PACRG: variants seen among roughly 807,000 people sequenced by gnomAD.
The protein encoded by PACRG is parkin coregulated gene protein.
A neutral mutation model predicts 29.7 loss-of-function variants in PACRG; 29 were observed. The ratio of observed to expected loss-of-function variants is 0.98; its 90% CI spans 0.73 to 1.33. The LOEUF is 1.33. PACRG is among the 40% of genes most tolerant of loss of function. The pLI, the probability that PACRG is intolerant of heterozygous loss-of-function variation, is 0.00. For synonymous variants in PACRG, 116 were observed against 118.7 expected (o/e 0.98, Z 0.15); for missense variants, 279 against 316.2 (o/e 0.88, Z 0.89).
At chr6:163,269,967 G>GAAAACAAAGAA (rs371798487) in intron 4 of PACRG, among the ~76,000 whole-genome samples, 1 of 56,118 alleles carries the variant, frequency 1.8e-5, no homozygotes, top group South Asian at 7.6e-4. Context: ...AAGAAAGAAA[G>GAAAACAAAGAA]AAAGAAAGAA....
chr6:162,902,888 G>A lies in PACRG; in HGVS notation c.291+88607G>A, dbSNP rs147563309. Among the ~76,000 whole-genome samples, 368 of 152,098 alleles carry A rather than the reference G, an allele frequency of 2.4e-3. 8 individuals are homozygous for A. Among genetic ancestry groups the A allele is most frequent in the East Asian group, 0.023 (117 of 5,182 alleles). ...GGGCTTTTTTTCTTCAATTCCAAAA[G>A]CATTTTAACAACCATAATCCAAGAC... On this transcript the variant is annotated intron_variant, in intron 2 of 4. Transcript: ENST00000366888.
intron 2 of PACRG, among the ~76,000 whole-genome samples, chr6:163,015,933 A>T (rs983916644): frequency 6.6e-6 from 1 of 152,234 alleles, no homozygotes. Flanking sequence ...ATAAGTTTTT[A>T]TGAACATTTA....
chr6:163,062,451 T>C, intron 3 of PACRG, 130 bp downstream of exon 3: 4 of 1,098,626 alleles, frequency 3.6e-6, no homozygotes, highest in Non-Finnish European at 5.0e-6. Flanking sequence ...TAAATTGACT[T>C]AGGAGGCCAG....
At chr6:163,239,703 TAC>T (rs1172530268) in intron 4 of PACRG, among the ~76,000 whole-genome samples, 2 of 100,130 alleles carry the variant, frequency 2.0e-5, no homozygotes, top group East Asian at 3.3e-4. Context: ...CACTCCCACA[TAC>T]ACACACACGC....
intron 4 of PACRG, among the ~76,000 whole-genome samples, chr6:163,163,523 C>T (rs894481291): frequency 3.9e-5 from 6 of 152,180 alleles, no homozygotes; most frequent in Non-Finnish European, 7.3e-5. Context: ...GCGCCTGCCT[C>T]GGCCTCACAA....
chr6:162,809,160 G>A (rs1179075600), intron 1 of PACRG, among the ~76,000 whole-genome samples: 1 of 152,066 alleles, frequency 6.6e-6, no homozygotes, highest in Non-Finnish European at 1.5e-5. Flanking sequence ...TTCAGCAGTA[G>A]TGACAAAGCA....
chr6:162,943,553 C>A (rs772692343), intron 2 of PACRG, among the ~76,000 whole-genome samples: 2 of 152,160 alleles, frequency 1.3e-5, no homozygotes, highest in Non-Finnish European at 2.9e-5. Flanking sequence ...GTTCCCCAAC[C>A]CAGGCATTTC....
intron 4 of PACRG, among the ~76,000 whole-genome samples, chr6:163,101,721 G>A (rs1179366018): frequency 6.6e-6 from 1 of 152,142 alleles, no homozygotes; most frequent in Non-Finnish European, 1.5e-5. Flanking sequence ...TCGTGTACCT[G>A]CTGAGCTAGC....
At chr6:162,727,590 G>C, upstream of PACRG, 1 of 1,494,202 alleles carries the variant, frequency 6.7e-7, no homozygotes, top group Non-Finnish European at 9.1e-7. Context: ...CTGGTCGGCC[G>C]AGGCGGGGCG....
intron 4 of PACRG, among the ~76,000 whole-genome samples, chr6:163,122,548 C>G (rs762089067): frequency 6.6e-6 from 1 of 152,132 alleles, no homozygotes; most frequent in Non-Finnish European, 1.5e-5. Context: ...GCACCTCCCC[C>G]TCGCTCTCTC....
chr6:162,767,060 T>A (rs560865523), intron 1 of PACRG, among the ~76,000 whole-genome samples: 1 of 152,088 alleles, frequency 6.6e-6, no homozygotes, highest in Admixed American at 6.5e-5. Context: ...ACACACGGAG[T>A]CTATGATATT....
intron 3 of PACRG, among the ~76,000 whole-genome samples, chr6:163,080,224 A>G (rs1238476532): frequency 2.6e-5 from 4 of 152,048 alleles, no homozygotes; most frequent in East Asian, 1.9e-4. Context: ...GTAGTGGTGC[A>G]TGATGCAGCA....
chr6:163,010,767 G>A (rs1251957369), intron 2 of PACRG, among the ~76,000 whole-genome samples: 1 of 152,222 alleles, frequency 6.6e-6, no homozygotes, highest in African/African-American at 2.4e-5. Flanking sequence ...TGGGCAGAAG[G>A]AGACCCCAGG....
At chr6:162,838,402 C>T (rs1263532791) in intron 2 of PACRG, among the ~76,000 whole-genome samples, 3 of 152,078 alleles carry the variant, frequency 2.0e-5, no homozygotes, top group Non-Finnish European at 2.9e-5. Flanking sequence ...GTTTATGGTC[C>T]CAGACTAGAG....
chr6:162,895,502 G>T (rs1332378265), intron 2 of PACRG, among the ~76,000 whole-genome samples: 1 of 152,030 alleles, frequency 6.6e-6, no homozygotes, highest in Non-Finnish European at 1.5e-5. Flanking sequence ...TGTATCAAAT[G>T]GGGCTATTAC....
intron 4 of PACRG, among the ~76,000 whole-genome samples, chr6:163,274,897 T>C (rs1783974115): frequency 6.7e-6 from 1 of 148,658 alleles, no homozygotes; most frequent in Non-Finnish European, 1.5e-5. Context: ...TCTCACTCTG[T>C]TGCCCAGGCT....
At chr6:163,268,311 A>G (rs1298029239) in intron 4 of PACRG, among the ~76,000 whole-genome samples, 4 of 151,392 alleles carry the variant, frequency 2.6e-5, no homozygotes, top group African/African-American at 9.7e-5. Flanking sequence ...CTGAGGCAAG[A>G]GAATGGCGTG....
intron 4 of PACRG, among the ~76,000 whole-genome samples, chr6:163,199,602 T>C (rs1019069018): frequency 1.3e-5 from 2 of 152,156 alleles, no homozygotes; most frequent in Non-Finnish European, 1.5e-5. Context: ...GCCTCACCCT[T>C]AACTGCCAAG....
chr6:163,282,370 A>G (rs1443331252), intron 4 of PACRG, among the ~76,000 whole-genome samples: 2 of 152,156 alleles, frequency 1.3e-5, no homozygotes, highest in Admixed American at 6.5e-5. Flanking sequence ...TGTGTCTCCA[A>G]TTTACCCCCT....
Sources: gnomAD v4.1 joint callset for allele counts (sites outside exome capture counted in the v4.1 genomes callset) on GRCh38, gnomAD v4.1.1 for gene constraint, MANE v1.5 for transcripts, NCBI Gene and HGNC (gene_info 2026-07-23, HGNC 2026-07-21) for gene names.